Variants in SLC35D4 observed in about 807,000 individuals in gnomAD.
SLC35D4 encodes UDP-N-acetylglucosamine transporter SLC35D4.
the SLC35D4 span, among the ~76,000 whole-genome samples, chr18:23,410,255 C>G: frequency 6.6e-6 from 1 of 151,958 alleles, no homozygotes; most frequent in Non-Finnish European, 1.5e-5. Context: ...CCGAGGTGGG[C>G]GGATCACGAG....
chr18:23,370,269 T>C, the SLC35D4 span: 1 of 1,612,394 alleles, frequency 6.2e-7, no homozygotes, highest in Non-Finnish European at 8.5e-7. Flanking sequence ...CCCCTGAAAA[T>C]GAAATAAAAC....
At chr18:23,258,575 G>A in the SLC35D4 span, 1 of 152,216 alleles carries the variant, frequency 6.6e-6, no homozygotes, top group Non-Finnish European at 1.5e-5. Context: ...GCAAGAGAGA[G>A]GCACCAGCTG....
chr18:23,323,660 T>C, the SLC35D4 span, among the ~76,000 whole-genome samples: 2 of 152,226 alleles, frequency 1.3e-5, no homozygotes, highest in African/African-American at 4.8e-5. Context: ...GAATTGTCCA[T>C]AATTCACAAG....
At chr18:23,273,238 G>A in the SLC35D4 span, among the ~76,000 whole-genome samples, 2 of 152,240 alleles carry the variant, frequency 1.3e-5, no homozygotes, top group African/African-American at 4.8e-5. Context: ...AAGGCAGGAG[G>A]AGTTGGAATC....
the SLC35D4 span, chr18:23,253,685 C>G: frequency 6.4e-7 from 1 of 1,550,452 alleles, no homozygotes; most frequent in Non-Finnish European, 8.8e-7. Flanking sequence ...CACTGAAACT[C>G]TAAGTTTTCA....
the SLC35D4 span, among the ~76,000 whole-genome samples, chr18:23,356,988 A>G: frequency 6.6e-6 from 1 of 152,226 alleles, no homozygotes; most frequent in East Asian, 1.9e-4. The surrounding 1 kb of genome is among the most constrained non-coding windows in gnomAD (Gnocchi z 4.1). Context: ...AGGCTCAGAG[A>G]AGTTAAGAAA....
the SLC35D4 span, among the ~76,000 whole-genome samples, chr18:23,367,758 A>T: frequency 1.4e-5 from 2 of 141,158 alleles, no homozygotes; most frequent in Non-Finnish European, 3.2e-5. Context: ...GAAGCCCTGG[A>T]TACTTTTTTT....
chr18:23,390,975 C>T, the SLC35D4 span, among the ~76,000 whole-genome samples: 2 of 152,130 alleles, frequency 1.3e-5, no homozygotes, highest in African/African-American at 4.8e-5. Flanking sequence ...CCTGTAATCC[C>T]AGCACTTTGA....
the SLC35D4 span, among the ~76,000 whole-genome samples, chr18:23,361,073 G>C: frequency 1.6e-5 from 2 of 122,696 alleles, no homozygotes; most frequent in Non-Finnish European, 3.2e-5. Flanking sequence ...CTGTACTACA[G>C]CCTGGGCAAG....
At chr18:23,395,594 C>T in the SLC35D4 span, among the ~76,000 whole-genome samples, 2 of 152,212 alleles carry the variant, frequency 1.3e-5, no homozygotes, top group Non-Finnish European at 2.9e-5. Context: ...ATGGCTTGAG[C>T]CAAATTGCCA....
At chr18:23,412,730 C>T in the SLC35D4 span, among the ~76,000 whole-genome samples, 1 of 152,204 alleles carries the variant, frequency 6.6e-6, no homozygotes, top group Non-Finnish European at 1.5e-5. Flanking sequence ...GACCAAACCC[C>T]ACCTGCTGCC....
chr18:23,330,666 C>T, the SLC35D4 span, among the ~76,000 whole-genome samples: 5 of 152,162 alleles, frequency 3.3e-5, no homozygotes, highest in East Asian at 5.8e-4. Flanking sequence ...CCCTGACAGC[C>T]GGCTCGCTCT....
the SLC35D4 span, among the ~76,000 whole-genome samples, chr18:23,274,402 G>A: frequency 7.2e-5 from 11 of 152,226 alleles, no homozygotes; most frequent in African/African-American, 1.9e-4. Context: ...TAATTCTTGA[G>A]AAGAAAGAAT....
chr18:23,385,205 C>T, the SLC35D4 span: 1 of 713,694 alleles, frequency 1.4e-6, no homozygotes, highest in Non-Finnish European at 2.3e-6. Flanking sequence ...GCAAAGACTT[C>T]TACATGGATT....
At chr18:23,424,464 G>C in the SLC35D4 span, among the ~76,000 whole-genome samples, 1 of 152,160 alleles carries the variant, frequency 6.6e-6, no homozygotes. Context: ...CAAAATTCCT[G>C]CCTTTGTAGA....
chr18:23,255,462 C>T, the SLC35D4 span, among the ~76,000 whole-genome samples: 1 of 152,164 alleles, frequency 6.6e-6, no homozygotes, highest in African/African-American at 2.4e-5. Context: ...AATCATCTAG[C>T]TTATACAGTA....
chr18:23,403,893 G>A, the SLC35D4 span, among the ~76,000 whole-genome samples: 1 of 152,152 alleles, frequency 6.6e-6, no homozygotes, highest in African/African-American at 2.4e-5. Flanking sequence ...TACAAGGCGG[G>A]CAGATCACGA....
chr18:23,421,044 G>C, the SLC35D4 span, among the ~76,000 whole-genome samples: 1 of 151,942 alleles, frequency 6.6e-6, no homozygotes, highest in South Asian at 2.1e-4. Context: ...AGGAGTTCGA[G>C]ACCAGCCTGG....
chr18:23,360,725 T>G, the SLC35D4 span, among the ~76,000 whole-genome samples: 14,211 of 151,408 alleles, frequency 0.094, 898 homozygotes, highest in Middle Eastern at 0.19. Flanking sequence ...AGCTATACAT[T>G]TAACATGTAT....
Sources: gnomAD v4.1 joint callset for allele counts (sites outside exome capture counted in the v4.1 genomes callset) on GRCh38, gnomAD v4.1.1 for gene constraint, Gnocchi (gnomAD v3.1) non-coding constraint, MANE v1.5 for transcripts, NCBI Gene and HGNC (gene_info 2026-07-23, HGNC 2026-07-21) for gene names.